TRIM35: variants seen among roughly 807,000 people sequenced by gnomAD.
TRIM35 encodes tripartite motif containing 35.
A neutral mutation model predicts 49.1 loss-of-function variants in TRIM35; 37 were observed. The observed-to-expected ratio is 0.75, with a 90% CI of 0.58 to 0.99. TRIM35 has a LOEUF of 0.99. Among genes scored for constraint, TRIM35 ranks in the 50% least tolerant of loss-of-function variants. The pLI, the probability that TRIM35 is intolerant of heterozygous loss-of-function variation, is 0.00. For missense variants in TRIM35, 648 were observed against 702.7 expected (o/e 0.92, Z 0.88); for synonymous variants, 302 against 289.3 (o/e 1.04, Z -0.45).
rs957570107 is a variant in TRIM35 at position 27,299,254 on chromosome 8, A to G, written c.436-695T>C. The stretch of plus-strand genomic sequence containing the variant: ...ACTTGAAGAACCACTAGAGTGTTTT[A>G]GGTTGGATTCCTGCCTCTTGTATCT... On this transcript the variant is annotated intron_variant, in intron 1 of 5. Coordinates refer to ENST00000305364, the MANE Select transcript of TRIM35 (RefSeq NM_171982.5). Among the ~76,000 whole-genome samples the G allele has an allele frequency of 1.3e-5, 2 of 152,186 alleles. 1 individual carries two copies. The highest frequency in any genetic ancestry group is 4.1e-4 in the South Asian group (2 of 4,828).
In TRIM35 at chr8:27,285,931, A is replaced by G. The variant is rs540251112; in HGVS notation, c.*1619T>C. ...CCAACATCCTCACCACGCCCAATCC[A>G]GCCCCTTCACACACTGACATCGCCT... On this transcript the variant is annotated 3_prime_UTR_variant, in exon 6 of 6. Transcript: ENST00000305364. 3.3e-4 allele frequency: 117 copies of G among 357,202 alleles called. No individual in the cohort carries two copies. Among genetic ancestry groups the G allele is most frequent in the South Asian group, 2.4e-3 (114 of 46,852 alleles). The allele number at this position is 357,202 out of a possible 1,614,324, so 22.1% of individuals were successfully genotyped here.
chr8:27,307,895 G>C (rs961278518), intron 1 of TRIM35, among the ~76,000 whole-genome samples: 3 of 152,188 alleles, frequency 2.0e-5, no homozygotes, highest in Non-Finnish European at 2.9e-5. Context: ...CCAGAATCTT[G>C]TATGGCAAAA....
At chr8:27,299,180 T>C (rs1199651152) in intron 1 of TRIM35, among the ~76,000 whole-genome samples, 1 of 152,218 alleles carries the variant, frequency 6.6e-6, no homozygotes, top group African/African-American at 2.4e-5. Flanking sequence ...TTTGGTTTAG[T>C]AGTTTTTGTT....
In TRIM35 at chr8:27,287,597, G is replaced by A. The variant is rs773363494; in HGVS notation, c.1435C>T (p.Arg479Cys). The A allele has an allele frequency of 2.2e-5, 35 of 1,604,386 alleles. No homozygotes were observed. Among genetic ancestry groups the A allele is most frequent in the East Asian group, 6.7e-5 (3 of 44,680 alleles). ...ARGAGPPEPLRICPLHISVKE... is the reference protein window; with the variant it reads ...ARGAGPPEPLCICPLHISVKE... Reference sequence around the variant, plus strand: ...ACACTGATGTGCAAGGGGCAGATGCGCAAAGGCTCTGGAGGCCCGGCGCCC... The same window carrying A: ...ACACTGATGTGCAAGGGGCAGATGCACAAAGGCTCTGGAGGCCCGGCGCCC... The change falls in exon 6 of 6, where the codon CGC (arginine) becomes TGC (cysteine). Residue 479 changes from arginine to cysteine, a missense_variant. By Grantham distance (180) the Arg-to-Cys change is radical. Coordinates refer to ENST00000305364, the MANE Select transcript of TRIM35 (RefSeq NM_171982.5). The surrounding 1 kb of genome is among the most constrained non-coding windows in gnomAD (Gnocchi z 6.0).
In TRIM35 at chr8:27,287,422, A is replaced by G; in HGVS notation, c.*128T>C. ...CAGCCTGGAGTCATGGAAAAGGACCAGGCAGGACAGGAGGAAGAGCCTGGC... is the reference window on the plus strand; with the variant it reads ...CAGCCTGGAGTCATGGAAAAGGACCGGGCAGGACAGGAGGAAGAGCCTGGC... On this transcript the variant is annotated 3_prime_UTR_variant, in exon 6 of 6. Transcript: ENST00000305364. The surrounding 1 kb of genome is among the most constrained non-coding windows in gnomAD (Gnocchi z 6.0). 1 of 1,007,056 alleles carries G rather than the reference A, an allele frequency of 9.9e-7. No individual in the cohort carries two copies. Among genetic ancestry groups the G allele is most frequent in the Non-Finnish European group, 1.4e-6 (1 of 697,442 alleles). 62.4% of individuals were successfully genotyped at this position (1,007,056 alleles called of 1,614,324 possible). A position where few individuals can be genotyped will look rare whatever the true frequency, so the allele number is the denominator to read the frequency against.
chr8:27,301,208 A>G (rs1296678302), intron 1 of TRIM35, among the ~76,000 whole-genome samples: 1 of 152,260 alleles, frequency 6.6e-6, no homozygotes, highest in East Asian at 1.9e-4. Flanking sequence ...TGCACTTTAC[A>G]AACATTCTAT....
Position 27,290,188 on chromosome 8 carries a change from T to C in TRIM35, c.763-10A>G, listed in dbSNP as rs1802424219. 1.9e-6 allele frequency: 3 copies of C among 1,613,206 alleles called. No individual in the cohort carries two copies. Among genetic ancestry groups the C allele is most frequent in the Non-Finnish European group, 2.5e-6 (3 of 1,179,660 alleles). On this transcript the variant is annotated splice_polypyrimidine_tract_variant and intron_variant, in intron 3 of 5. Coordinates refer to ENST00000305364, the MANE Select transcript of TRIM35 (RefSeq NM_171982.5). Reference sequence around the variant, plus strand: ...TTCGGCTCTTGTGTTTCTGAAAAAATAAAAATAAAAAAATAACACAGAGAC... The same window carrying C: ...TTCGGCTCTTGTGTTTCTGAAAAAACAAAAATAAAAAAATAACACAGAGAC...
rs1349215086 is a variant in TRIM35 at position 27,311,039 on chromosome 8, G to A, written c.197C>T (p.Pro66Leu). The A allele has an allele frequency of 1.9e-6, 3 of 1,600,752 alleles. No homozygotes were observed. The highest frequency in any genetic ancestry group is 1.7e-6 in the Non-Finnish European group (2 of 1,174,352). The change falls in exon 1 of 6, where the codon CCC (proline) becomes CTC (leucine). Residue 66 changes from proline (P) to leucine (L), a missense_variant. Coordinates refer to ENST00000305364, the MANE Select transcript of TRIM35 (RefSeq NM_171982.5). ...GGTGTGGTTGGTGCGCAGGTCGGCG[G>A]GTGACGCGCGGTCTTTGCACACTGG... Reference protein sequence around the residue: ...TCPVCKDRASPADLRTNHTLN... With the variant: ...TCPVCKDRASLADLRTNHTLN...
chr8:27,287,512 A>G lies in TRIM35; in HGVS notation c.*38T>C, dbSNP rs764597989. On this transcript the variant is annotated 3_prime_UTR_variant, in exon 6 of 6. Transcript: ENST00000305364. This position sits in a 1 kb window ranked among gnomAD's most constrained non-coding sequence, Gnocchi z 6.0. ...ATTAGGAAGAGGGCAGAAAGAAAACAGTGCTGTGGCACAAGACCGGGGCAG... is the reference window on the plus strand; with the variant it reads ...ATTAGGAAGAGGGCAGAAAGAAAACGGTGCTGTGGCACAAGACCGGGGCAG... 23 of 1,500,510 alleles carry G rather than the reference A, an allele frequency of 1.5e-5. No individual in the cohort carries two copies. The highest frequency in any genetic ancestry group is 1.7e-5 in the Non-Finnish European group (19 of 1,122,498). The allele number at this position is 1,500,510 out of a possible 1,614,324, so 92.9% of individuals were successfully genotyped here.
intron 2 of TRIM35, among the ~76,000 whole-genome samples, chr8:27,295,785 C>T (rs1033836160): frequency 2.0e-5 from 3 of 152,016 alleles, no homozygotes; most frequent in African/African-American, 7.3e-5. Context: ...ATGTTTACAG[C>T]TCTGAAAATA....
rs151215946 is a variant in TRIM35, at chr8:27,290,166, G to A, written c.775C>T (p.Arg259Ter). Residue 259 changes from arginine (R) to a stop codon, truncating the protein, a stop_gained, in exon 4 of 6, where the codon CGA becomes TGA. Coordinates refer to ENST00000305364, the MANE Select transcript of TRIM35 (RefSeq NM_171982.5). LOFTEE classifies it high-confidence loss of function. ...DVSFLMKHKS[R>*]KRRLFCTMEP... The stretch of plus-strand genomic sequence containing the variant: ...GCTTTGGCAACTTACCGGCGTTTTC[G>A]GCTCTTGTGTTTCTGAAAAAATAAA... 1.6e-5 allele frequency: 26 copies of A among 1,613,820 alleles called. No individual in the cohort carries two copies. Among genetic ancestry groups the A allele is most frequent in the Admixed American group, 3.3e-5 (2 of 59,984 alleles).
Position 27,286,001 on chromosome 8 carries a change from C to T in TRIM35, c.*1549G>A. 2.3e-6 allele frequency: 1 copy of T among 440,072 alleles called. No individual in the cohort carries two copies. The allele number at this position is 440,072 out of a possible 1,614,324, so 27.3% of individuals were successfully genotyped here. On this transcript the variant is annotated 3_prime_UTR_variant, in exon 6 of 6. Coordinates refer to ENST00000305364, the MANE Select transcript of TRIM35 (RefSeq NM_171982.5). ...CCTTAAGTTTTATCTAACCAGTGTA[C>T]ACAACATATTTATAACCAATTAATA...
intron 3 of TRIM35, among the ~76,000 whole-genome samples, chr8:27,290,634 A>T (rs1281975390): frequency 6.6e-6 from 1 of 152,220 alleles, no homozygotes; most frequent in Non-Finnish European, 1.5e-5. Context: ...GTATTGTTTT[A>T]TAATTTACCC....
intron 2 of TRIM35, 63 bp from the exon 3 acceptor site, chr8:27,294,373 CT>C: frequency 6.7e-7 from 1 of 1,495,474 alleles, no homozygotes; most frequent in East Asian, 2.3e-5. Context: ...AGCCCAGCAA[CT>C]TTCCCATTTT....
At position 27,287,473 on chromosome 8, in the gene TRIM35, C is replaced by T; in HGVS notation, c.*77G>A. 7.0e-7 allele frequency: 1 copy of T among 1,431,492 alleles called. No individual in the cohort carries two copies. Among genetic ancestry groups the T allele is most frequent in the Non-Finnish European group, 9.3e-7 (1 of 1,073,208 alleles). The allele number at this position is 1,431,492 out of a possible 1,614,324, so 88.7% of individuals were successfully genotyped here. The stretch of plus-strand genomic sequence containing the variant: ...AAGGAGGCAGGGGCGCAATAGTGCC[C>T]AAGCAGTGTGGGCATTAGGAAGAGG... On this transcript the variant is annotated 3_prime_UTR_variant, in exon 6 of 6. Transcript: ENST00000305364. This position sits in a 1 kb window ranked among gnomAD's most constrained non-coding sequence, Gnocchi z 6.0.
intron 5 of TRIM35, 66 bp downstream of exon 5, chr8:27,289,096 G>T: frequency 1.5e-6 from 2 of 1,349,204 alleles, no homozygotes; most frequent in Non-Finnish European, 2.1e-6. Context: ...ACCAGCCCTG[G>T]TGCCTCTTTG....
intron 4 of TRIM35, among the ~76,000 whole-genome samples, chr8:27,289,612 C>T (rs1488804882): frequency 6.6e-6 from 1 of 152,196 alleles, no homozygotes; most frequent in African/African-American, 2.4e-5. Flanking sequence ...TGGAAGGGAC[C>T]CTAAGGATGC....
chr8:27,306,214 G>A (rs1802781225), intron 1 of TRIM35, among the ~76,000 whole-genome samples: 1 of 152,122 alleles, frequency 6.6e-6, no homozygotes, highest in African/African-American at 2.4e-5. Flanking sequence ...TTCATTTAAT[G>A]GCAACCTAAA....
At chr8:27,293,079 G>T (rs1223142634) in intron 3 of TRIM35, among the ~76,000 whole-genome samples, 1 of 148,844 alleles carries the variant, frequency 6.7e-6, no homozygotes, top group African/African-American at 2.5e-5. Flanking sequence ...GGACATTTTT[G>T]AGACAGGAGA....
Sources: gnomAD v4.1 joint callset for allele counts (sites outside exome capture counted in the v4.1 genomes callset) on GRCh38, gnomAD v4.1.1 for gene constraint, Gnocchi (gnomAD v3.1) non-coding constraint, MANE v1.5 for transcripts, NCBI Gene and HGNC (gene_info 2026-07-23, HGNC 2026-07-21) for gene names.